Variants in TSPAN19 observed in about 807,000 individuals in gnomAD.
TSPAN19 encodes the protein tetraspanin-19.
A neutral mutation model predicts 35.1 loss-of-function variants in TSPAN19; 44 were observed. That is an observed-to-expected ratio of 1.25 (90% CI 0.98 to 1.61). TSPAN19 has a LOEUF of 1.61. Ranked by LOEUF, TSPAN19 falls within the 40% of genes most tolerant of loss-of-function variation. TSPAN19 has a pLI of 0.00. For missense variants in TSPAN19, 290 were observed against 280.0 expected (o/e 1.04, Z -0.26); for synonymous variants, 79 against 92.0 (o/e 0.86, Z 0.81).
At chr12:85,034,800 T>TA (rs1348555701) in intron 1 of TSPAN19, among the ~76,000 whole-genome samples, 1 of 152,300 alleles carries the variant, frequency 6.6e-6, no homozygotes, top group South Asian at 2.1e-4. Flanking sequence ...TCTTCCAAAG[T>TA]AAAAAATCGC....
intron 5 of TSPAN19, among the ~76,000 whole-genome samples, chr12:85,022,715 T>C (rs905698421): frequency 1.3e-5 from 2 of 152,144 alleles, no homozygotes; most frequent in Non-Finnish European, 2.9e-5. Context: ...AAGACAGACC[T>C]TGACTGAACT....
chr12:85,028,054 A>G (rs530670041), intron 3 of TSPAN19, 31 bp from the exon 4 acceptor site: 6 of 1,469,998 alleles, frequency 4.1e-6, no homozygotes, highest in Non-Finnish European at 5.5e-6. Flanking sequence ...CTTATTATGA[A>G]GTGGTATTTT....
rs35680681 is a variant in TSPAN19 at position 85,019,226 on chromosome 12, A to T, written c.450+400T>A. On this transcript the variant is annotated intron_variant, in intron 6 of 8. Coordinates refer to ENST00000532498, the MANE Select transcript of TSPAN19 (RefSeq NM_001100917.2). ...ACGAATGTGGAACTTGGAGTTTAAG[A>T]GGGTTACTTGTCCAGAACCACAAAG... Among the ~76,000 whole-genome samples, 1,009 of 152,040 alleles carry T rather than the reference A, an allele frequency of 6.6e-3. 16 individuals carry two copies. The highest frequency in any genetic ancestry group is 0.023 in the African/African-American group (951 of 41,526).
intron 5 of TSPAN19, among the ~76,000 whole-genome samples, chr12:85,020,032 GA>G (rs1028652788): frequency 6.6e-6 from 1 of 151,648 alleles, no homozygotes; most frequent in Admixed American, 6.6e-5. Flanking sequence ...ATACTCTCAG[GA>G]AAAAAACTGT....
chr12:85,016,778 AACT>A (rs1454180619), intron 7 of TSPAN19: 1 of 151,866 alleles, frequency 6.6e-6, no homozygotes, highest in Non-Finnish European at 1.5e-5. Flanking sequence ...AGATAGGGGC[AACT>A]ACTGTATATA....
chr12:85,023,584 A>G (rs1328154429), intron 4 of TSPAN19, among the ~76,000 whole-genome samples, 184 bp from the exon 5 acceptor site: 3 of 152,194 alleles, frequency 2.0e-5, no homozygotes, highest in African/African-American at 7.2e-5. Context: ...AGTAAAAAAC[A>G]AATGAACATT....
intron 5 of TSPAN19, among the ~76,000 whole-genome samples, chr12:85,021,113 G>A (rs1877098412): frequency 1.3e-5 from 2 of 151,918 alleles, no homozygotes. Context: ...TACTAATTTG[G>A]TCCTCAATAA....
rs151207307 is a variant in TSPAN19, at chr12:85,016,048, G to T, written c.595-77C>A. ...CATAAATCTTTACAAAAAATAAAAG[G>T]TAAACAGAGATTAGTAATTTACCAA... On this transcript the variant is annotated intron_variant, in intron 7 of 8. Transcript: ENST00000532498. 1.0e-3 allele frequency: 938 copies of T among 935,828 alleles called. 6 individuals carry two copies. In the African/African-American group the frequency reaches 0.014, roughly 14 times the overall value. The allele number at this position is 935,828 out of a possible 1,614,324, so 58.0% of individuals were successfully genotyped here. A position where few individuals can be genotyped will look rare whatever the true frequency, so the allele number is the denominator to read the frequency against.
At chr12:85,026,831 G>T (rs889976262) in intron 4 of TSPAN19, among the ~76,000 whole-genome samples, 17 of 152,054 alleles carry the variant, frequency 1.1e-4, no homozygotes, top group Non-Finnish European at 2.1e-4. Flanking sequence ...GACCTGAAGG[G>T]ACCATGTGAG....
intron 4 of TSPAN19, among the ~76,000 whole-genome samples, chr12:85,024,937 A>G (rs899940244): frequency 5.3e-5 from 8 of 152,126 alleles, no homozygotes; most frequent in African/African-American, 1.9e-4. Context: ...TATTTTATAC[A>G]TCTAATACTT....
chr12:85,017,677 T>A, intron 6 of TSPAN19, 78 bp from the exon 7 acceptor site: 4 of 1,107,360 alleles, frequency 3.6e-6, no homozygotes, highest in Non-Finnish European at 5.0e-6. Context: ...ATTGAAGTGG[T>A]TTTTGTGATG....
chr12:85,015,845 T>C, intron 8 of TSPAN19, 43 bp downstream of exon 8: 2 of 1,399,658 alleles, frequency 1.4e-6, no homozygotes, highest in Non-Finnish European at 2.0e-6. Context: ...CTGTATAGCT[T>C]ATACTTAATA....
intron 5 of TSPAN19, among the ~76,000 whole-genome samples, chr12:85,021,123 AT>A (rs1421877195): frequency 6.6e-6 from 1 of 152,098 alleles, no homozygotes; most frequent in Non-Finnish European, 1.5e-5. Flanking sequence ...GTCCTCAATA[AT>A]ACCAAAAGGT....
At chr12:85,026,971 C>T (rs1877447501) in intron 4 of TSPAN19, among the ~76,000 whole-genome samples, 1 of 152,128 alleles carries the variant, frequency 6.6e-6, no homozygotes, top group Non-Finnish European at 1.5e-5. Flanking sequence ...GACAAAATGA[C>T]AGCAGCTGAA....
chr12:85,035,523 T>C (rs1488139667), intron 1 of TSPAN19, among the ~76,000 whole-genome samples: 1 of 152,162 alleles, frequency 6.6e-6, no homozygotes, highest in Non-Finnish European at 1.5e-5. Flanking sequence ...TCAAGTTTAT[T>C]GTTACCAGGA....
At chr12:85,031,052 G>A (rs1338310565) in intron 1 of TSPAN19, among the ~76,000 whole-genome samples, 1 of 151,986 alleles carries the variant, frequency 6.6e-6, no homozygotes, top group South Asian at 2.1e-4. Flanking sequence ...CCTTTGAAAA[G>A]TGGAAAAAAA....
At chr12:85,024,419 G>A (rs974697182) in intron 4 of TSPAN19, among the ~76,000 whole-genome samples, 2 of 152,020 alleles carry the variant, frequency 1.3e-5, no homozygotes, top group Admixed American at 6.6e-5. Flanking sequence ...ATTTTGTCTG[G>A]GTCTGACAAA....
At chr12:85,028,211 G>C (rs564168288) in intron 3 of TSPAN19, among the ~76,000 whole-genome samples, 188 bp from the exon 4 acceptor site, 113 of 152,142 alleles carry the variant, frequency 7.4e-4, no homozygotes, top group African/African-American at 2.6e-3. Flanking sequence ...CTTACTTTTA[G>C]AAACAACCTT....
chr12:85,023,483 T>C lies in TSPAN19; in HGVS notation c.265-83A>G, dbSNP rs1440429292. On this transcript the variant is annotated intron_variant, in intron 4 of 8. Coordinates refer to ENST00000532498, the MANE Select transcript of TSPAN19 (RefSeq NM_001100917.2). ...TCAAATAATGGGAAAACACACACCA[T>C]TGGAAATATGCAACCATAAAGTATA... is the stretch of plus-strand genomic sequence containing the variant. 4.5e-6 allele frequency: 5 copies of C among 1,105,206 alleles called. No individual in the cohort carries two copies. The East Asian group carries it at 7.8e-5, about 17-fold the overall frequency. 68.5% of individuals were successfully genotyped at this position (1,105,206 alleles called of 1,614,324 possible). A position where few individuals can be genotyped will look rare whatever the true frequency, so the allele number is the denominator to read the frequency against.
Sources: gnomAD v4.1 joint callset for allele counts (sites outside exome capture counted in the v4.1 genomes callset) on GRCh38, gnomAD v4.1.1 for gene constraint, MANE v1.5 for transcripts, NCBI Gene and HGNC (gene_info 2026-07-23, HGNC 2026-07-21) for gene names.